ARFGEF2: variants seen among roughly 807,000 people sequenced by gnomAD.
ARFGEF2 encodes ARF guanine nucleotide exchange factor 2, also known as brefeldin A-inhibited guanine nucleotide-exchange protein 2.
A neutral mutation model predicts 219.9 loss-of-function variants in ARFGEF2; 74 were observed. The ratio of observed to expected loss-of-function variants is 0.34; its 90% CI spans 0.28 to 0.41. The LOEUF is 0.41. Among genes scored for constraint, ARFGEF2 ranks in the 10% least tolerant of loss-of-function variants. ARFGEF2 has a pLI of 1.00. For synonymous variants in ARFGEF2, 733 were observed against 799.2 expected (o/e 0.92, Z 1.40); for missense variants, 1,743 against 2,218.3 (o/e 0.79, Z 4.30).
intron 1 of ARFGEF2, 30 bp downstream of exon 1, chr20:48,922,040 G>C: frequency 1.9e-6 from 3 of 1,562,776 alleles, no homozygotes; most frequent in Admixed American, 1.9e-5. Context: ...CCTGCCCCGC[G>C]CTGGCCTCAG....
chr20:49,011,833 G>GTA, intron 27 of ARFGEF2, 91 bp from the exon 28 acceptor site: 3 of 463,908 alleles, frequency 6.5e-6, no homozygotes, highest in Non-Finnish European at 9.7e-6. Flanking sequence ...TCTGATGTAT[G>GTA]TGTGTGTGTG....
At chr20:48,926,229 A>T (rs960154468) in intron 1 of ARFGEF2, among the ~76,000 whole-genome samples, 2 of 152,210 alleles carry the variant, frequency 1.3e-5, no homozygotes, top group Non-Finnish European at 2.9e-5. Flanking sequence ...AATACTCAGT[A>T]GAGTTTTTAA....
intron 25 of ARFGEF2, chr20:48,999,238 A>AC: frequency 2.2e-6 from 1 of 453,418 alleles, no homozygotes; most frequent in Non-Finnish European, 4.4e-6. Flanking sequence ...ACTTCGTCTC[A>AC]GAAAAAAAAA....
intron 6 of ARFGEF2, 89 bp downstream of exon 6, chr20:48,953,879 A>C (rs2091089576): frequency 7.9e-7 from 1 of 1,273,104 alleles, no homozygotes; most frequent in African/African-American, 1.5e-5. Flanking sequence ...ATAACATCTG[A>C]AGGAAACCTC....
intron 23 of ARFGEF2, among the ~76,000 whole-genome samples, chr20:48,996,563 C>T (rs1309139407): frequency 6.6e-6 from 1 of 151,556 alleles, no homozygotes; most frequent in Non-Finnish European, 1.5e-5. Context: ...ATGGTGAAAC[C>T]ATGTCTCTAC....
intron 25 of ARFGEF2, among the ~76,000 whole-genome samples, chr20:49,001,541 A>G (rs189626834): frequency 6.6e-6 from 1 of 152,326 alleles, no homozygotes; most frequent in East Asian, 1.9e-4. Flanking sequence ...TGTGTCCTGG[A>G]TGAGCAAAGC....
chr20:49,019,601 G>C (rs1192192771), intron 34 of ARFGEF2, among the ~76,000 whole-genome samples: 2 of 152,124 alleles, frequency 1.3e-5, no homozygotes, highest in Non-Finnish European at 2.9e-5. Context: ...AAAATGTACT[G>C]GAGTCAGTGG....
chr20:48,957,146 A>G (rs1290892820), intron 6 of ARFGEF2, among the ~76,000 whole-genome samples: 3 of 152,170 alleles, frequency 2.0e-5, no homozygotes, highest in African/African-American at 7.2e-5. Context: ...AAGAAAGAGG[A>G]AGAGATAGGA....
At chr20:48,989,953 G>A (rs1249882504) in intron 20 of ARFGEF2, among the ~76,000 whole-genome samples, 2 of 152,178 alleles carry the variant, frequency 1.3e-5, no homozygotes, top group East Asian at 3.9e-4. Flanking sequence ...GCCAAGGCAG[G>A]CAGATCACCT....
rs1285055942 is a variant in ARFGEF2, at chr20:49,011,998, G to A, written c.3832G>A (p.Ala1278Thr). The A allele has an allele frequency of 1.9e-6, 3 of 1,614,066 alleles. No individual in the cohort carries two copies. The highest frequency in any genetic ancestry group is 2.2e-5 in the East Asian group (1 of 44,892). ...TGCTGTGAAGTGCTTATCAGAGTTCGCCTGCAACGCCGCTTTCCCTGACAC... is the reference window on the plus strand; with the variant it reads ...TGCTGTGAAGTGCTTATCAGAGTTCACCTGCAACGCCGCTTTCCCTGACAC... ...QDAVKCLSEF[A>T]CNAAFPDTSM... The change falls in exon 28 of 39, where the codon GCC (alanine) becomes ACC (threonine). Residue 1278 changes from alanine (A) to threonine (T), a missense_variant. Transcript: ENST00000371917.
At chr20:48,995,753 G>A (rs2091381857) in intron 22 of ARFGEF2, 30 bp from the exon 23 acceptor site, 4 of 1,586,512 alleles carry the variant, frequency 2.5e-6, no homozygotes, top group African/African-American at 1.3e-5. Flanking sequence ...TGTTTTTGAA[G>A]TACTGCTGAT....
chr20:48,985,258 C>A, intron 15 of ARFGEF2, 150 bp from the exon 16 acceptor site: 1 of 762,824 alleles, frequency 1.3e-6, no homozygotes, highest in South Asian at 1.6e-5. Context: ...GGTGGGTGGG[C>A]AGGTCAGGGA....
intron 3 of ARFGEF2, among the ~76,000 whole-genome samples, chr20:48,949,960 A>G (rs1284402013): frequency 6.6e-6 from 1 of 152,176 alleles, no homozygotes; most frequent in Non-Finnish European, 1.5e-5. Flanking sequence ...GCTTGGAGAA[A>G]AACACTGATT....
At chr20:48,935,980 G>A (rs571024185) in intron 1 of ARFGEF2, among the ~76,000 whole-genome samples, 1 of 131,718 alleles carries the variant, frequency 7.6e-6, no homozygotes, top group Non-Finnish European at 1.6e-5. Flanking sequence ...CGGACGGGGC[G>A]GCTGGCCGGG....
chr20:49,031,994 A>G (rs907755967), intron 37 of ARFGEF2, 55 bp from the exon 38 acceptor site: 2 of 1,138,510 alleles, frequency 1.8e-6, no homozygotes, highest in Non-Finnish European at 2.7e-6. Flanking sequence ...TTCTCCCCTG[A>G]ATGTGAGATG....
chr20:48,970,991 C>T (rs971115728), intron 9 of ARFGEF2, 129 bp from the exon 10 acceptor site: 18 of 800,032 alleles, frequency 2.2e-5, no homozygotes, highest in Admixed American at 1.6e-4. Context: ...CCCTCATTCT[C>T]CTGACATTTA....
At chr20:48,969,737 G>A (rs1297260782) in intron 9 of ARFGEF2, among the ~76,000 whole-genome samples, 1 of 152,182 alleles carries the variant, frequency 6.6e-6, no homozygotes, top group Non-Finnish European at 1.5e-5. Context: ...AAGGATGTCA[G>A]CGCTGTGGAG....
At chr20:48,986,097 C>T (rs771621579) in intron 16 of ARFGEF2, among the ~76,000 whole-genome samples, 4 of 152,086 alleles carry the variant, frequency 2.6e-5, no homozygotes, top group South Asian at 2.1e-4. Flanking sequence ...ATGGGCGGTT[C>T]GTGATTTTGT....
chr20:48,947,716 C>T (rs756524760), intron 3 of ARFGEF2, among the ~76,000 whole-genome samples: 1 of 152,072 alleles, frequency 6.6e-6, no homozygotes, highest in Non-Finnish European at 1.5e-5. Context: ...ATTAGCCAGG[C>T]ATAGTGGCAT....
Sources: gnomAD v4.1 joint callset for allele counts (sites outside exome capture counted in the v4.1 genomes callset) on GRCh38, gnomAD v4.1.1 for gene constraint, MANE v1.5 for transcripts, NCBI Gene and HGNC (gene_info 2026-07-23, HGNC 2026-07-21) for gene names.